The following NDC1 variants were observed in gnomAD, a reference collection of about 807,000 sequenced individuals.
NDC1 encodes the protein nucleoporin NDC1.
In NDC1, 24 loss-of-function variants were observed where a neutral mutation model predicts 89.8. The observed-to-expected ratio is 0.27, with a 90% CI of 0.19 to 0.38. The LOEUF (loss-of-function observed/expected upper bound fraction) is 0.38, where lower values mean the gene tolerates loss of function less well. NDC1 is among the 10% of genes least tolerant of loss of function. NDC1 has a pLI of 1.00. For missense variants in NDC1, 728 were observed against 797.6 expected, an observed-to-expected ratio of 0.91 and a Z score of 1.05; for synonymous variants, 296 against 284.8, an observed-to-expected ratio of 1.04 and a Z score of -0.39.
Position 53,787,200 on chromosome 1 carries a change from C to G in NDC1, c.1758G>C (p.Thr586=). The G allele has an allele frequency of 6.2e-7, 1 of 1,610,552 alleles. No homozygotes were observed. The highest frequency in any genetic ancestry group is 8.5e-7 in the Non-Finnish European group (1 of 1,178,688). Residue 586 remains threonine, a synonymous_variant, in exon 16 of 18, where the codon ACG becomes ACC. Coordinates refer to ENST00000371429, the MANE Select transcript of NDC1 (RefSeq NM_018087.5). ...AAGTATTAAGGATAGCTGGTAGTGT[C>G]GTCTGGACAACTCCAAATCTATCCT... is the stretch of plus-strand genomic sequence containing the variant. ...FTEDRFGVVQ[T]TLPAILNTLL... is the part of the protein sequence containing the mutation.
intron 4 of NDC1, among the ~76,000 whole-genome samples, 169 bp from the exon 5 acceptor site, chr1:53,826,105 CTT>C (rs1404281312): frequency 6.6e-6 from 1 of 152,070 alleles, no homozygotes; most frequent in African/African-American, 2.4e-5. Flanking sequence ...TTAACAAAAC[CTT>C]TTTTCCTGAA....
chr1:53,828,026 A>G lies in NDC1; in HGVS notation c.428T>C (p.Leu143Pro). ...GTTAGTACCAGTGCAGGGAACCACAAGAAAGCTGTACTGGCCCTGGGTTAT... is the reference window on the plus strand; with the variant it reads ...GTTAGTACCAGTGCAGGGAACCACAGGAAAGCTGTACTGGCCCTGGGTTAT... The part of the protein sequence containing the change: ...AVITQGQYSF[L>P]VVPCTGTNSF... Residue 143 changes from leucine (L) to proline (P), a missense_variant, in exon 4 of 18, where the codon CTT becomes CCT. Physicochemically the swap from Leu to Pro is moderately conservative, Grantham distance 98 (BLOSUM62 -3). Coordinates refer to ENST00000371429, the MANE Select transcript of NDC1 (RefSeq NM_018087.5). 2 of 1,613,206 alleles carry G rather than the reference A, an allele frequency of 1.2e-6. No homozygotes were observed. Among genetic ancestry groups the G allele is most frequent in the Non-Finnish European group, 8.5e-7 (1 of 1,179,480 alleles).
At position 53,767,183 on chromosome 1, in the gene NDC1, T is replaced by TG. The variant is rs1265167097; in HGVS notation, c.*786dup. 2.6e-5 allele frequency: 4 copies of TG among 152,216 alleles called. No individual in the cohort carries two copies. Among genetic ancestry groups the TG allele is most frequent in the Non-Finnish European group, 5.9e-5 (4 of 68,022 alleles). The allele number at this position is 152,216 out of a possible 1,614,324, so 9.4% of individuals were successfully genotyped here. On this transcript the variant is annotated 3_prime_UTR_variant, in exon 18 of 18. Transcript: ENST00000371429. Reference sequence around the variant, plus strand: ...CTTGAAAAACTCTGCAATCACTTAATGTTTTGCTCCAGAAAAAGAAAGCAA... The same window carrying TG: ...CTTGAAAAACTCTGCAATCACTTAATGGTTTTGCTCCAGAAAAAGAAAGCAA...
chr1:53,807,659 T>G lies in NDC1; in HGVS notation c.888A>C (p.Thr296=). ...AAAAATATTTTAAAAAACATACCTC[T>G]GTGGCATAGATTTTGAAGAGTATCC... The part of the protein sequence containing the change: ...VSWILFKIYA[T]EAHVFPVQPP... The change falls in exon 8 of 18, where the codon ACA becomes ACC. Residue 296 remains threonine, a synonymous_variant. Coordinates refer to ENST00000371429, the MANE Select transcript of NDC1 (RefSeq NM_018087.5). 6.2e-7 allele frequency: 1 copy of G among 1,601,170 alleles called. No individual in the cohort carries two copies. The highest frequency in any genetic ancestry group is 8.5e-7 in the Non-Finnish European group (1 of 1,176,632).
At position 53,818,951 on chromosome 1, in the gene NDC1, C is replaced by A; in HGVS notation, c.703+20G>T. On this transcript the variant is annotated intron_variant, in intron 6 of 17. Coordinates refer to ENST00000371429, the MANE Select transcript of NDC1 (RefSeq NM_018087.5). ...GCTATGAGATAATATATCACTGTAT[C>A]AAAAAGCAGAAATTCTTACCAAGAA... The A allele has an allele frequency of 8.6e-7, 1 of 1,161,510 alleles. No homozygotes were observed. Among genetic ancestry groups the A allele is most frequent in the South Asian group, 1.4e-5 (1 of 72,666 alleles). The allele number at this position is 1,161,510 out of a possible 1,614,324, so 72.0% of individuals were successfully genotyped here. A position where few individuals can be genotyped will look rare whatever the true frequency, so the allele number is the denominator to read the frequency against.
Position 53,767,238 on chromosome 1 carries a change from T to C in NDC1, c.*732A>G, listed in dbSNP as rs910003819. On this transcript the variant is annotated 3_prime_UTR_variant, in exon 18 of 18. Transcript: ENST00000371429. Reference sequence around the variant, plus strand: ...AGCTGGGAAAATACCCATACATTAATACTTCGTGTTTACTAGCATGATACA... The same window carrying C: ...AGCTGGGAAAATACCCATACATTAACACTTCGTGTTTACTAGCATGATACA... 3 of 152,208 alleles carry C rather than the reference T, an allele frequency of 2.0e-5. No individual in the cohort carries two copies. Among genetic ancestry groups the C allele is most frequent in the Non-Finnish European group, 2.9e-5 (2 of 68,014 alleles). The allele number at this position is 152,208 out of a possible 1,614,324, so 9.4% of individuals were successfully genotyped here.
At chr1:53,810,194 T>G (rs190908954) in intron 6 of NDC1, among the ~76,000 whole-genome samples, 1 of 152,184 alleles carries the variant, frequency 6.6e-6, no homozygotes, top group Non-Finnish European at 1.5e-5. Flanking sequence ...CAGCAAAGCA[T>G]GTAGTTGTGT....
chr1:53,806,452 T>C lies in NDC1; in HGVS notation c.957A>G (p.Leu319=), dbSNP rs745308474. 8.4e-6 allele frequency: 13 copies of C among 1,544,554 alleles called. No homozygotes were observed. The highest frequency in any genetic ancestry group is 1.7e-4 in the Middle Eastern group (1 of 5,890). ...EGSDECLPKV[L]NSNPPPIIKY... ...TTATGATGGGGGGAGGATTGCTATT[T>C]AACACTTTTGGAAGGCACTCATCTG... is the stretch of plus-strand genomic sequence containing the variant. Residue 319 remains leucine (L), a synonymous_variant, in exon 9 of 18, where the codon TTA becomes TTG. Transcript: ENST00000371429.
intron 3 of NDC1, among the ~76,000 whole-genome samples, chr1:53,831,895 A>G (rs1348665195): frequency 1.3e-5 from 2 of 152,048 alleles, no homozygotes; most frequent in East Asian, 3.8e-4. Context: ...TTTTTTAATC[A>G]CAGTATTATA....
intron 4 of NDC1, among the ~76,000 whole-genome samples, chr1:53,826,738 A>C (rs991698297): frequency 3.0e-4 from 46 of 152,184 alleles, no homozygotes; most frequent in African/African-American, 1.1e-3. Flanking sequence ...AATTCAGTAG[A>C]ACTCAATTTT....
At chr1:53,778,258 T>TATACACACACAC (rs1647177884) in intron 16 of NDC1, among the ~76,000 whole-genome samples, 1 of 122,434 alleles carries the variant, frequency 8.2e-6, no homozygotes, top group African/African-American at 3.6e-5. Flanking sequence ...TGTGTGTGTA[T>TATACACACACAC]ATACACACAC....
At chr1:53,777,659 A>G (rs749831613) in intron 16 of NDC1, among the ~76,000 whole-genome samples, 40 of 152,282 alleles carry the variant, frequency 2.6e-4, no homozygotes, top group South Asian at 2.3e-3. Context: ...TTCTCACTTT[A>G]ATTGCCTTAT....
At chr1:53,834,977 G>A (rs1167565499) in intron 2 of NDC1, among the ~76,000 whole-genome samples, 5 of 121,438 alleles carry the variant, frequency 4.1e-5, no homozygotes, top group African/African-American at 9.7e-5. Context: ...GCGTGGTGGC[G>A]CGTGCTGAGG....
Position 53,825,888 on chromosome 1 carries a change from A to T in NDC1, c.504T>A (p.Phe168Leu). 1 of 1,611,160 alleles carries T rather than the reference A, an allele frequency of 6.2e-7. No homozygotes were observed. Among genetic ancestry groups the T allele is most frequent in the Non-Finnish European group, 8.5e-7 (1 of 1,179,082 alleles). ...AQTCLNEYHL[F>L]FLLTGAFMGY... ...CCATAAATGCTCCAGTCAGTAGGAA[A>T]AAAAGATGATATTCATTTAAGCAGG... is the stretch of plus-strand genomic sequence containing the variant. The change falls in exon 5 of 18, where the codon TTT becomes TTA. Residue 168 changes from phenylalanine (F) to leucine (L), a missense_variant. Transcript: ENST00000371429.
intron 16 of NDC1, among the ~76,000 whole-genome samples, chr1:53,777,444 G>T (rs143092821): frequency 3.5e-4 from 53 of 152,176 alleles, no homozygotes; most frequent in African/African-American, 1.3e-3. Context: ...AAATAGAAAT[G>T]CAAAAAATTA....
At chr1:53,825,313 TAA>T (rs1467823344) in intron 5 of NDC1, among the ~76,000 whole-genome samples, 2 of 151,616 alleles carry the variant, frequency 1.3e-5, no homozygotes, top group African/African-American at 2.4e-5. Context: ...CCGTCACTAC[TAA>T]AAACACAAAA....
chr1:53,813,869 T>C (rs952597326), intron 6 of NDC1, among the ~76,000 whole-genome samples: 1 of 152,208 alleles, frequency 6.6e-6, no homozygotes, highest in Non-Finnish European at 1.5e-5. Flanking sequence ...ATAGACCATA[T>C]GATAGGCCAT....
intron 11 of NDC1, among the ~76,000 whole-genome samples, chr1:53,798,008 T>G (rs1265377869): frequency 1.3e-5 from 2 of 151,980 alleles, no homozygotes; most frequent in Non-Finnish European, 2.9e-5. Context: ...GTAAACAGCT[T>G]TTTCAAAAGT....
At chr1:53,788,714 A>T (rs963993164) in intron 15 of NDC1, among the ~76,000 whole-genome samples, 3 of 151,946 alleles carry the variant, frequency 2.0e-5, no homozygotes, top group African/African-American at 7.3e-5. Context: ...GGCGTGAGCC[A>T]CCGCAACTGG....
Sources: gnomAD v4.1 joint callset for allele counts (sites outside exome capture counted in the v4.1 genomes callset) on GRCh38, gnomAD v4.1.1 for gene constraint, MANE v1.5 for transcripts, NCBI Gene and HGNC (gene_info 2026-07-23, HGNC 2026-07-21) for gene names.